The following RPS6KA1 variants were observed in gnomAD, a reference collection of about 807,000 sequenced individuals.
RPS6KA1 encodes the protein ribosomal protein S6 kinase alpha-1.
A neutral mutation model predicts 91.3 loss-of-function variants in RPS6KA1; 48 were observed. The ratio of observed to expected loss-of-function variants is 0.53; its 90% CI spans 0.42 to 0.67. The LOEUF is 0.67. Among genes scored for constraint, RPS6KA1 ranks in the 30% least tolerant of loss-of-function variants. RPS6KA1 has a pLI of 0.00. For missense variants in RPS6KA1, 719 were observed against 960.5 expected (o/e 0.75, Z 3.32); for synonymous variants, 359 against 384.7 (o/e 0.93, Z 0.78).
chr1:26,538,901 C>T (rs1025452406), intron 2 of RPS6KA1, among the ~76,000 whole-genome samples: 2 of 152,214 alleles, frequency 1.3e-5, no homozygotes, highest in South Asian at 2.1e-4. Context: ...ACCTGTGGTC[C>T]GGACCTCATC....
chr1:26,537,879 C>T (rs975622006), intron 2 of RPS6KA1, among the ~76,000 whole-genome samples: 1 of 152,180 alleles, frequency 6.6e-6, no homozygotes, highest in African/African-American at 2.4e-5. Context: ...ATGTGAAGGA[C>T]GATGAGATAG....
At chr1:26,537,782 CA>C (rs2075917287) in intron 2 of RPS6KA1, among the ~76,000 whole-genome samples, 1 of 152,254 alleles carries the variant, frequency 6.6e-6, no homozygotes, top group Admixed American at 6.5e-5. Flanking sequence ...GCTCCATCCC[CA>C]CCATTTAACC....
At chr1:26,530,635 G>T (rs2124607252) in intron 1 of RPS6KA1, 1 of 663,514 alleles carries the variant, frequency 1.5e-6, no homozygotes, top group Non-Finnish European at 2.1e-6. Flanking sequence ...GGGGGACCTT[G>T]GTGCCTGCCT....
Position 26,561,678 on chromosome 1 carries a change from G to A in RPS6KA1, c.1590+15G>A, listed in dbSNP as rs148128461. The A allele has an allele frequency of 9.2e-4, 1,450 of 1,583,672 alleles. 11 individuals carry two copies. The Admixed American group carries it at 0.016, about 18-fold the overall frequency. ...ACTCACAGGGGGTGAGTCTGGATTCGGGGAGGCAGTAGGGGGATGCCAAGG... is the reference window on the plus strand; with the variant it reads ...ACTCACAGGGGGTGAGTCTGGATTCAGGGAGGCAGTAGGGGGATGCCAAGG... On this transcript the variant is annotated intron_variant, in intron 17 of 21. Transcript: ENST00000374168. This position sits in a 1 kb window ranked among gnomAD's most constrained non-coding sequence, Gnocchi z 5.7.
intron 17 of RPS6KA1, among the ~76,000 whole-genome samples, chr1:26,570,580 G>A (rs1438751851): frequency 6.6e-6 from 1 of 152,144 alleles, no homozygotes; most frequent in Non-Finnish European, 1.5e-5. Flanking sequence ...TGAGCAAACA[G>A]GGCCCAGAGG....
rs1010642066 is a variant in RPS6KA1, at chr1:26,543,253, G to A, written c.109-3614G>A. The A allele has an allele frequency of 2.2e-5, 33 of 1,472,358 alleles. No individual in the cohort carries two copies. In the African/African-American group the frequency reaches 3.3e-4, roughly 15 times the overall value. The allele number at this position is 1,472,358 out of a possible 1,614,324, so 91.2% of individuals were successfully genotyped here. A position where few individuals can be genotyped will look rare whatever the true frequency, so the allele number is the denominator to read the frequency against. ...AGAAGAGTCGCCTGCCTCCAGCGGT[G>A]TCTGTCACCATGACTGGGCAAGGAA... is the stretch of plus-strand genomic sequence containing the variant. On this transcript the variant is annotated intron_variant, in intron 2 of 21. Transcript: ENST00000374168.
intron 17 of RPS6KA1, among the ~76,000 whole-genome samples, chr1:26,567,759 G>A (rs2076216559): frequency 6.6e-6 from 1 of 152,166 alleles, no homozygotes; most frequent in South Asian, 2.1e-4. Context: ...AGGCAGTTCT[G>A]GGGTTACTGT....
At chr1:26,536,254 C>T (rs969706967) in intron 1 of RPS6KA1, among the ~76,000 whole-genome samples, 1 of 152,138 alleles carries the variant, frequency 6.6e-6, no homozygotes, top group African/African-American at 2.4e-5. Flanking sequence ...GCTGTTAGCC[C>T]CAAGCCCTCG....
At chr1:26,548,361 G>A (rs1440349741) in intron 4 of RPS6KA1, among the ~76,000 whole-genome samples, 2 of 152,122 alleles carry the variant, frequency 1.3e-5, no homozygotes, top group African/African-American at 2.4e-5. Context: ...TCTTGTAGAG[G>A]GTGGGCCCAG....
intron 2 of RPS6KA1, among the ~76,000 whole-genome samples, chr1:26,544,862 C>G (rs917152047): frequency 6.6e-6 from 1 of 151,786 alleles, no homozygotes; most frequent in African/African-American, 2.4e-5. Context: ...GTTCCTCCTG[C>G]CTTTGCCTGT....
chr1:26,545,345 T>TC (rs1487155640), intron 2 of RPS6KA1, among the ~76,000 whole-genome samples: 3 of 149,652 alleles, frequency 2.0e-5, no homozygotes, highest in African/African-American at 7.5e-5. Flanking sequence ...ATTTTTTTTT[T>TC]TTTTGTATTT....
chr1:26,567,569 C>T (rs1200649646), intron 17 of RPS6KA1, among the ~76,000 whole-genome samples: 1 of 152,006 alleles, frequency 6.6e-6, no homozygotes. Context: ...TTAGTAGAGA[C>T]GGGGTTTCTC....
Position 26,574,229 on chromosome 1 carries a change from G to T in RPS6KA1, c.*28G>T. The T allele has an allele frequency of 6.2e-7, 1 of 1,613,516 alleles. No homozygotes were observed. The highest frequency in any genetic ancestry group is 8.5e-7 in the Non-Finnish European group (1 of 1,179,640). ...CACCAGGGCATTCGGGCCACAGGGC[G>T]GTGCTAGCTTGACACAGTCAGCATG... On this transcript the variant is annotated 3_prime_UTR_variant, in exon 22 of 22. Coordinates refer to ENST00000374168, the MANE Select transcript of RPS6KA1 (RefSeq NM_002953.4). The surrounding 1 kb of genome is among the most constrained non-coding windows in gnomAD (Gnocchi z 4.3).
chr1:26,544,158 T>G, intron 2 of RPS6KA1: 1 of 456,344 alleles, frequency 2.2e-6, no homozygotes, highest in Non-Finnish European at 4.4e-6. Context: ...GTCTGCCAGG[T>G]GTCAGACCTA....
At position 26,547,246 on chromosome 1, in the gene RPS6KA1, G is replaced by C. The variant is rs776600594; in HGVS notation, c.283G>C (p.Val95Leu). 2 of 1,613,998 alleles carry C rather than the reference G, an allele frequency of 1.2e-6. No homozygotes were observed. Among genetic ancestry groups the C allele is most frequent in the Non-Finnish European group, 8.5e-7 (1 of 1,180,002 alleles). Residue 95 changes from valine (V) to leucine (L), a missense_variant, in exon 4 of 22, where the codon GTG becomes CTG. Val to Leu is a conservative substitution (Grantham distance 32). Around this residue, in one of 5 missense-constraint regions of RPS6KA1, gnomAD observed 159 missense variants for 264.5 expected, o/e 0.60. Transcript: ENST00000374168. This position sits in a 1 kb window ranked among gnomAD's most constrained non-coding sequence, Gnocchi z 4.1. ...CAGTGGGCACCTGTATGCTATGAAG[G>C]TGCTGAAGAAGGCAACGCTGAAAGG... ...PDSGHLYAMK[V>L]LKKATLKVRD... is the part of the protein sequence containing the mutation.
Position 26,555,142 on chromosome 1 carries a change from C to G in RPS6KA1, c.757-9C>G, listed in dbSNP as rs772844139. 1.1e-5 allele frequency: 17 copies of G among 1,613,578 alleles called. No homozygotes were observed. The Middle Eastern group carries it at 8.2e-4, about 78-fold the overall frequency. On this transcript the variant is annotated splice_polypyrimidine_tract_variant and intron_variant, in intron 9 of 21. Coordinates refer to ENST00000374168, the MANE Select transcript of RPS6KA1 (RefSeq NM_002953.4). The surrounding 1 kb of genome is among the most constrained non-coding windows in gnomAD (Gnocchi z 4.3). ...GATCAGAGCCTGAATAGATCCTTGT[C>G]CTCTGCAGTTTGAGATGCTGACGGG... is the stretch of plus-strand genomic sequence containing the variant.
intron 2 of RPS6KA1, chr1:26,546,035 G>C (rs748886364): frequency 2.1e-5 from 34 of 1,611,084 alleles, no homozygotes; most frequent in Non-Finnish European, 2.8e-5. Flanking sequence ...AGCGGGACTC[G>C]GTGAGTGTGC....
At chr1:26,559,034 T>TG in intron 14 of RPS6KA1, 97 bp downstream of exon 14, 1 of 1,447,112 alleles carries the variant, frequency 6.9e-7, no homozygotes, top group Non-Finnish European at 9.3e-7. Context: ...CATACCCTCA[T>TG]GCCACTGTGG....
intron 2 of RPS6KA1, among the ~76,000 whole-genome samples, chr1:26,543,535 C>T (rs2075965294): frequency 6.6e-6 from 1 of 152,210 alleles, no homozygotes; most frequent in African/African-American, 2.4e-5. Context: ...GGCTGTTCCA[C>T]CCACTCCTCC....
Sources: allele counts gnomAD v4.1 joint callset (sites outside exome capture counted in the v4.1 genomes callset), GRCh38; gene constraint gnomAD v4.1.1; regional missense constraint gnomAD v4.1.1; non-coding constraint Gnocchi (gnomAD v3.1); transcripts MANE v1.5; gene names NCBI Gene and HGNC (gene_info 2026-07-23, HGNC 2026-07-21).